PARP16: variants seen among roughly 807,000 people sequenced by gnomAD.
PARP16 encodes protein mono-ADP-ribosyltransferase PARP16.
A neutral mutation model predicts 35.0 loss-of-function variants in PARP16; 31 were observed. The ratio of observed to expected loss-of-function variants is 0.88; its 90% confidence interval spans 0.66 to 1.19. The LOEUF (loss-of-function observed/expected upper bound fraction) is 1.19. Among genes scored for constraint, PARP16 ranks in the 50% most tolerant of loss-of-function variants. The pLI, the probability that PARP16 is intolerant of heterozygous loss-of-function variation, is 0.00. For synonymous variants in PARP16, 162 were observed against 169.5 expected, an observed-to-expected ratio of 0.96 and a Z score of 0.34; for missense variants, 424 against 411.2, an observed-to-expected ratio of 1.03 and a Z score of -0.27.
In PARP16 at chr15:65,286,407, G is replaced by A. The variant is rs538009655; in HGVS notation, c.20C>T (p.Ala7Val). ...GCGGCCCGCCGCCTCCCTGGCGGCCGCCCAGCCTGAGGGCTGCATCCCAGG... is the reference window on the plus strand; with the variant it reads ...GCGGCCCGCCGCCTCCCTGGCGGCCACCCAGCCTGAGGGCTGCATCCCAGG... MQPSGWAAAREAAGRDM... is the reference protein window; with the variant it reads MQPSGWVAAREAAGRDM... The change falls in exon 1 of 6, where the codon GCG (alanine) becomes GTG (valine). Residue 7 changes from alanine to valine, a missense_variant. Ala to Val is a moderately conservative substitution (Grantham distance 64). Transcript: ENST00000649807. The A allele has an allele frequency of 2.6e-6, 4 of 1,539,672 alleles. No individual in the cohort carries two copies. Among genetic ancestry groups the A allele is most frequent in the Middle Eastern group, 1.9e-4 (1 of 5,238 alleles).
chr15:65,248,116 CCT>C (rs749499512), exon 3 of PARP16: 14 of 455,970 alleles, frequency 3.1e-5, no homozygotes, highest in Non-Finnish European at 5.3e-5. Context: ...ATTGTTCTTA[CCT>C]CTCTACTTTC....
downstream of PARP16, among the ~76,000 whole-genome samples, chr15:65,233,726 A>C (rs977058036): frequency 6.6e-6 from 1 of 151,934 alleles, no homozygotes; most frequent in Middle Eastern, 3.4e-3. Context: ...ACAGAGCAAG[A>C]CTATATCACA....
intron 3 of PARP16, among the ~76,000 whole-genome samples, chr15:65,263,657 A>G (rs900458349): frequency 6.6e-6 from 1 of 152,154 alleles, no homozygotes; most frequent in Non-Finnish European, 1.5e-5. Context: ...CAAGTTATAT[A>G]AACTCTCTGT....
At chr15:65,268,238 G>C (rs1373885541) in intron 2 of PARP16, among the ~76,000 whole-genome samples, 4 of 152,116 alleles carry the variant, frequency 2.6e-5, no homozygotes, top group African/African-American at 9.7e-5. Flanking sequence ...CTTGAGAAGG[G>C]CTTGTCTTTC....
At chr15:65,239,788 C>G (rs990649526) in intron 3 of PARP16, among the ~76,000 whole-genome samples, 1 of 150,554 alleles carries the variant, frequency 6.6e-6, no homozygotes. Flanking sequence ...TCCCGAGTAG[C>G]TGGGACTACA....
intron 3 of PARP16, among the ~76,000 whole-genome samples, chr15:65,240,310 G>GTGGGGGGCTAGTGTGTGTGTGT (rs61177378): frequency 8.5e-6 from 1 of 118,290 alleles, no homozygotes; most frequent in African/African-American, 3.8e-5. Context: ...GTGTGTGTGT[G>GTGGGGGGCTAGTGTGTGTGTGT]GTGGGGGGGG....
At chr15:65,276,567 T>C (rs1211543394) in intron 1 of PARP16, among the ~76,000 whole-genome samples, 1 of 151,916 alleles carries the variant, frequency 6.6e-6, no homozygotes, top group African/African-American at 2.4e-5. Flanking sequence ...GGTTCCACCA[T>C]GTTGTCCAGG....
chr15:65,242,102 T>C (rs1370730433), intron 3 of PARP16, among the ~76,000 whole-genome samples: 1 of 152,226 alleles, frequency 6.6e-6, no homozygotes. Context: ...TATCCAGTTG[T>C]TCTAGCACCA....
Position 65,268,372 on chromosome 15 carries a change from GCCAC to G in PARP16, c.313-1608_313-1605del, listed in dbSNP as rs1358640792. Among the ~76,000 whole-genome samples the G allele has an allele frequency of 8.5e-4, 129 of 152,264 alleles. 1 individual carries two copies. The East Asian group carries it at 0.02, about 23-fold the overall frequency. ...CTGAAGCCCCAGAAATGTAAGTGAG[GCCAC>G]CCTAGCTCATCCAGCCAAGCCCAGA... On this transcript the variant is annotated intron_variant, in intron 2 of 5. Transcript: ENST00000649807.
chr15:65,263,445 C>G (rs1379664253), intron 3 of PARP16, 125 bp from the exon 4 acceptor site: 1 of 661,010 alleles, frequency 1.5e-6, no homozygotes, highest in Admixed American at 3.1e-5. Flanking sequence ...CTTTTTGCCC[C>G]AGCAAGACAC....
intron 3 of PARP16, among the ~76,000 whole-genome samples, chr15:65,265,144 C>T (rs1313960101): frequency 6.6e-6 from 1 of 152,202 alleles, no homozygotes; most frequent in South Asian, 2.1e-4. Context: ...GCTGCAGCAG[C>T]CACAACTGAG....
intron 1 of PARP16, chr15:65,285,430 A>T (rs929260376): frequency 3.5e-6 from 1 of 281,950 alleles, no homozygotes; most frequent in Non-Finnish European, 7.1e-6. Context: ...TGAGCCACCG[A>T]GCCTGGCCCC....
At chr15:65,236,971 C>CAAA (rs1161870802) in intron 3 of PARP16, among the ~76,000 whole-genome samples, 1 of 52,312 alleles carries the variant, frequency 1.9e-5, no homozygotes, top group Admixed American at 2.0e-4. Context: ...GACTCTGTCT[C>CAAA]AAAAAAAAAA....
chr15:65,280,689 A>G (rs967709478), intron 1 of PARP16, among the ~76,000 whole-genome samples: 1 of 152,170 alleles, frequency 6.6e-6, no homozygotes, highest in Admixed American at 6.5e-5. Flanking sequence ...TGCTTCAACA[A>G]AGATGGAAAT....
At chr15:65,280,345 G>A (rs920202156) in intron 1 of PARP16, among the ~76,000 whole-genome samples, 4 of 151,192 alleles carry the variant, frequency 2.6e-5, no homozygotes, top group Admixed American at 1.3e-4. Context: ...GCTGACGTAG[G>A]AGGATCGCTT....
chr15:65,263,392 G>A (rs1429619336), intron 3 of PARP16, 72 bp from the exon 4 acceptor site: 6 of 1,296,522 alleles, frequency 4.6e-6, no homozygotes, highest in Non-Finnish European at 6.4e-6. Flanking sequence ...AGACGACACA[G>A]GTCTCTCTTC....
chr15:65,268,352 G>A (rs1209775461), intron 2 of PARP16, among the ~76,000 whole-genome samples: 1 of 152,068 alleles, frequency 6.6e-6, no homozygotes, highest in African/African-American at 2.4e-5. Flanking sequence ...CCCAGCTGAA[G>A]CCCCAGAAAT....
At chr15:65,244,568 C>T (rs1051721038) in intron 3 of PARP16, among the ~76,000 whole-genome samples, 11 of 152,162 alleles carry the variant, frequency 7.2e-5, no homozygotes, top group East Asian at 1.9e-4. Context: ...GATCTCCCAC[C>T]GGGTCCCTCC....
At chr15:65,284,797 T>G (rs1374281422) in intron 1 of PARP16, among the ~76,000 whole-genome samples, 1 of 147,296 alleles carries the variant, frequency 6.8e-6, no homozygotes, top group Non-Finnish European at 1.5e-5. Context: ...AATCCTTGAC[T>G]ACTAATCCAA....
Sources: gnomAD v4.1 joint callset for allele counts (sites outside exome capture counted in the v4.1 genomes callset) on GRCh38, gnomAD v4.1.1 for gene constraint, MANE v1.5 for transcripts, NCBI Gene and HGNC (gene_info 2026-07-23, HGNC 2026-07-21) for gene names.